Variants in CLSTN2 observed in about 807,000 individuals in gnomAD.
CLSTN2 encodes the protein calsyntenin 2, also known as calsyntenin-2.
CLSTN2 carries 48 observed loss-of-function variants against 101.2 expected under a neutral mutation model. The observed-to-expected ratio is 0.47, with a 90% CI of 0.38 to 0.60. The LOEUF is 0.60. Ranked by LOEUF, CLSTN2 falls within the 20% of genes least tolerant of loss-of-function variation. The probability of loss-of-function intolerance (pLI) is 0.00; values close to 1 mark genes in which losing one functional copy is unlikely to be tolerated. For synonymous variants in CLSTN2, 481 were observed against 463.6 expected (o/e 1.04, Z -0.48); for missense variants, 1,160 against 1,238.2 (o/e 0.94, Z 0.95).
At chr3:140,180,226 A>G (rs1359695949) in intron 2 of CLSTN2, among the ~76,000 whole-genome samples, 1 of 152,212 alleles carries the variant, frequency 6.6e-6, no homozygotes, top group Non-Finnish European at 1.5e-5. Context: ...CAGAGACGCT[A>G]AGCAACTTGC....
chr3:140,296,786 C>G (rs762152569), intron 2 of CLSTN2, among the ~76,000 whole-genome samples: 3 of 152,202 alleles, frequency 2.0e-5, no homozygotes, highest in Non-Finnish European at 4.4e-5. Flanking sequence ...GCTATATTGT[C>G]ACATTCGTTT....
At chr3:140,011,023 G>T (rs780126228) in intron 1 of CLSTN2, among the ~76,000 whole-genome samples, 1 of 152,138 alleles carries the variant, frequency 6.6e-6, no homozygotes. Context: ...GCAGACGGCG[G>T]TCCTCCCAAC....
intron 2 of CLSTN2, among the ~76,000 whole-genome samples, chr3:140,202,857 A>G (rs190757265): frequency 1.3e-5 from 2 of 152,214 alleles, no homozygotes; most frequent in African/African-American, 4.8e-5. Flanking sequence ...TCCTGAGCAC[A>G]TAACTAGTCT....
chr3:140,170,673 A>G (rs568307925), intron 1 of CLSTN2, among the ~76,000 whole-genome samples: 83 of 152,320 alleles, frequency 5.4e-4, no homozygotes, highest in African/African-American at 2.0e-3. Flanking sequence ...CTAATGAGGG[A>G]AAAACCTCAA....
rs114999188 is a variant in CLSTN2, at chr3:140,304,334, G to A, written c.233-99295G>A. Among the ~76,000 whole-genome samples the A allele has an allele frequency of 5.5e-3, 830 of 152,262 alleles. 6 individuals are homozygous for A. The highest frequency in any genetic ancestry group is 0.018 in the African/African-American group (757 of 41,540). On this transcript the variant is annotated intron_variant, in intron 2 of 16. Transcript: ENST00000458420. The stretch of plus-strand genomic sequence containing the variant: ...CATAACAAAATACAATAGACTAGGT[G>A]GTTTAAACAATAGGAATTTATTTCT...
At chr3:140,312,815 AAG>A (rs1264892145) in intron 2 of CLSTN2, among the ~76,000 whole-genome samples, 1 of 152,224 alleles carries the variant, frequency 6.6e-6, no homozygotes, top group African/African-American at 2.4e-5. Context: ...ACATGGGAGA[AAG>A]AGAGATGGAA....
intron 1 of CLSTN2, among the ~76,000 whole-genome samples, chr3:139,990,614 C>T (rs1380769034): frequency 1.3e-5 from 2 of 152,120 alleles, no homozygotes; most frequent in African/African-American, 2.4e-5. Flanking sequence ...TAAGTAAATG[C>T]TTAATAAAGA....
At chr3:140,290,623 C>T (rs2086938254) in intron 2 of CLSTN2, among the ~76,000 whole-genome samples, 2 of 152,300 alleles carry the variant, frequency 1.3e-5, no homozygotes, top group East Asian at 3.9e-4. Context: ...AACCTACAAG[C>T]GACTGACAAG....
At chr3:140,409,729 G>A (rs2088341955) in intron 4 of CLSTN2, among the ~76,000 whole-genome samples, 1 of 152,078 alleles carries the variant, frequency 6.6e-6, no homozygotes, top group African/African-American at 2.4e-5. Flanking sequence ...TTGAATTCCT[G>A]ATAAGAATTT....
At chr3:140,552,263 C>A (rs1007637034) in intron 10 of CLSTN2, among the ~76,000 whole-genome samples, 2 of 152,122 alleles carry the variant, frequency 1.3e-5, no homozygotes, top group African/African-American at 4.8e-5. Context: ...AGCACAGATA[C>A]CCAAGGGCGA....
intron 1 of CLSTN2, among the ~76,000 whole-genome samples, chr3:140,126,063 T>C (rs1439675018): frequency 3.3e-5 from 5 of 151,860 alleles, no homozygotes; most frequent in African/African-American, 1.2e-4. Context: ...GCAAGAGAAA[T>C]GTGGGGTTGG....
chr3:140,048,905 C>T (rs1240405489), intron 1 of CLSTN2, among the ~76,000 whole-genome samples: 1 of 152,216 alleles, frequency 6.6e-6, no homozygotes, highest in East Asian at 1.9e-4. Flanking sequence ...ACTTCCTGTT[C>T]TCCAGTCCCT....
At chr3:139,998,663 A>G (rs1004028048) in intron 1 of CLSTN2, among the ~76,000 whole-genome samples, 37 of 151,954 alleles carry the variant, frequency 2.4e-4, no homozygotes, top group Non-Finnish European at 7.4e-5. Context: ...AGAGTTCCCT[A>G]AAGTCTGCAG....
At chr3:140,422,473 C>T (rs549277625) in intron 5 of CLSTN2, among the ~76,000 whole-genome samples, 36 of 152,314 alleles carry the variant, frequency 2.4e-4, no homozygotes, top group African/African-American at 8.4e-4. Context: ...AAGCACTCCT[C>T]CCTTGCACAA....
At chr3:140,171,280 G>T (rs2010208289) in intron 1 of CLSTN2, among the ~76,000 whole-genome samples, 1 of 152,094 alleles carries the variant, frequency 6.6e-6, no homozygotes, top group South Asian at 2.1e-4. Flanking sequence ...AGTGGCCAGA[G>T]CTTCTCTCTG....
intron 2 of CLSTN2, among the ~76,000 whole-genome samples, chr3:140,240,295 T>C (rs112041484): frequency 3.3e-3 from 28 of 8,446 alleles, no homozygotes; most frequent in African/African-American, 3.8e-3. Context: ...TATATACACA[T>C]ATATATATAT....
chr3:140,311,996 G>A (rs150093795), intron 2 of CLSTN2, among the ~76,000 whole-genome samples: 1 of 152,354 alleles, frequency 6.6e-6, no homozygotes, highest in African/African-American at 2.4e-5. Context: ...CACTTAATTA[G>A]AGGTAATGCA....
intron 2 of CLSTN2, among the ~76,000 whole-genome samples, chr3:140,246,114 A>G (rs2086513361): frequency 6.6e-6 from 1 of 152,184 alleles, no homozygotes; most frequent in Non-Finnish European, 1.5e-5. Flanking sequence ...ACTTTAGCTT[A>G]TTTATGAACC....
intron 2 of CLSTN2, among the ~76,000 whole-genome samples, chr3:140,391,102 A>G (rs1244595769): frequency 2.6e-5 from 4 of 152,216 alleles, no homozygotes; most frequent in African/African-American, 4.8e-5. Context: ...CGGTTTAAAC[A>G]CAGAGTTTGG....
Sources: gnomAD v4.1 joint callset for allele counts (sites outside exome capture counted in the v4.1 genomes callset) on GRCh38, gnomAD v4.1.1 for gene constraint, MANE v1.5 for transcripts, NCBI Gene and HGNC (gene_info 2026-07-23, HGNC 2026-07-21) for gene names.